Variants in WBP1L observed in about 807,000 individuals in gnomAD.
WBP1L encodes the protein WW domain binding protein 1 like, also known as WW domain binding protein 1-like.
Under a neutral mutation model 33.7 loss-of-function variants are expected in WBP1L, and 17 were observed. The observed-to-expected ratio is 0.50, with a 90% CI of 0.34 to 0.76. The LOEUF (loss-of-function observed/expected upper bound fraction) is 0.76, where lower values mean the gene tolerates loss of function less well. WBP1L is among the 30% of genes least tolerant of loss of function. The pLI is 0.01. For missense variants in WBP1L, 389 were observed against 469.4 expected (o/e 0.83, Z 1.58); for synonymous variants, 173 against 190.8 (o/e 0.91, Z 0.77).
intron 1 of WBP1L, among the ~76,000 whole-genome samples, chr10:102,754,660 T>C (rs893546648): frequency 5.9e-5 from 9 of 152,160 alleles, no homozygotes; most frequent in Non-Finnish European, 1.0e-4. Context: ...CCCAAAGTGC[T>C]GGGCTTACAG....
At chr10:102,752,966 T>A (rs528877633) in intron 1 of WBP1L, among the ~76,000 whole-genome samples, 2 of 152,282 alleles carry the variant, frequency 1.3e-5, no homozygotes, top group Admixed American at 6.5e-5. Flanking sequence ...ATTCAAAACT[T>A]CACCTGTCTT....
intron 1 of WBP1L, among the ~76,000 whole-genome samples, chr10:102,772,854 G>A (rs866969918): frequency 6.6e-6 from 1 of 151,352 alleles, no homozygotes; most frequent in South Asian, 2.1e-4. Context: ...ACAGGCGTGA[G>A]CCATGGTGCC....
rs1053548273 is a variant in WBP1L at position 102,805,928 on chromosome 10, C to T, written c.194-3965C>T. Among the ~76,000 whole-genome samples, 12 of 132,928 alleles carry T rather than the reference C, an allele frequency of 9.0e-5. 1 individual carries two copies. The highest frequency in any genetic ancestry group is 7.3e-4 in the South Asian group (3 of 4,128). The allele number at this position is 132,928 out of a possible 152,430, so 87.2% of individuals were successfully genotyped here. A position where few individuals can be genotyped will look rare whatever the true frequency, so the allele number is the denominator to read the frequency against. On this transcript the variant is annotated intron_variant, in intron 2 of 3. Coordinates refer to ENST00000448841, the MANE Select transcript of WBP1L (RefSeq NM_001083913.2). ...TAAGTTAAAAAAAATTGGCCTGGCA[C>T]GGTGGCTCACACCTGTAATCCCAGC...
At chr10:102,751,748 G>T (rs536972350) in intron 1 of WBP1L, among the ~76,000 whole-genome samples, 3 of 152,178 alleles carry the variant, frequency 2.0e-5, no homozygotes, top group African/African-American at 7.2e-5. Flanking sequence ...TGAGCTCTGG[G>T]GTCAGACCAC....
chr10:102,800,367 A>C (rs984561272), intron 2 of WBP1L, among the ~76,000 whole-genome samples: 4 of 150,098 alleles, frequency 2.7e-5, no homozygotes, highest in African/African-American at 4.9e-5. Context: ...CCGACTCAGG[A>C]GCCACCTGAA....
chr10:102,780,588 G>A (rs1035470115), intron 1 of WBP1L, among the ~76,000 whole-genome samples: 1 of 152,246 alleles, frequency 6.6e-6, no homozygotes, highest in Non-Finnish European at 1.5e-5. Context: ...AAAGCATGTT[G>A]TGGATACAAA....
chr10:102,750,309 C>T (rs960010538), intron 1 of WBP1L, among the ~76,000 whole-genome samples: 2 of 150,976 alleles, frequency 1.3e-5, no homozygotes, highest in East Asian at 2.0e-4. Flanking sequence ...GCAGGAGAAT[C>T]GCTTGAGCCC....
chr10:102,806,511 C>G lies in WBP1L; in HGVS notation c.194-3382C>G, dbSNP rs1328204213. On this transcript the variant is annotated intron_variant, in intron 2 of 3. Transcript: ENST00000448841. ...AAGGGTTCCTCTGCCAGTGTCTACT[C>G]TTAAGTCAGCCAGAATTCATAAAGA... Among the ~76,000 whole-genome samples the G allele has an allele frequency of 2.0e-5, 3 of 152,298 alleles. No homozygotes were observed. In the East Asian group the frequency reaches 5.8e-4, roughly 29 times the overall value.
At position 102,813,060 on chromosome 10, in the gene WBP1L, A is replaced by C; in HGVS notation, c.821A>C (p.Glu274Ala). 1 of 1,613,784 alleles carries C rather than the reference A, an allele frequency of 6.2e-7. No individual in the cohort carries two copies. Among genetic ancestry groups the C allele is most frequent in the East Asian group, 2.2e-5 (1 of 44,872 alleles). Residue 274 changes from glutamate to alanine, a missense_variant, in exon 4 of 4, where the codon GAA becomes GCA. Glu to Ala is a moderately radical substitution (Grantham distance 107, BLOSUM62 -1). Transcript: ENST00000448841. ...HRRFTGDSGIEVCVCNRGHHD... is the reference protein window; with the variant it reads ...HRRFTGDSGIAVCVCNRGHHD... ...CGCTTCACAGGTGACTCGGGCATTG[A>C]AGTGTGTGTGTGCAACCGGGGCCAC...
chr10:102,748,456 ATCATTCC>A (rs1842890805), intron 1 of WBP1L, among the ~76,000 whole-genome samples: 1 of 152,098 alleles, frequency 6.6e-6, no homozygotes, highest in Non-Finnish European at 1.5e-5. Flanking sequence ...TGCCATCACC[ATCATTCC>A]TCCTTATACA....
chr10:102,784,876 T>TC (rs1843392684), intron 1 of WBP1L, among the ~76,000 whole-genome samples: 1 of 36,580 alleles, frequency 2.7e-5, no homozygotes, highest in Admixed American at 2.7e-4. Context: ...TTTTTTCTTT[T>TC]TTTTTTTTTT....
intron 1 of WBP1L, among the ~76,000 whole-genome samples, chr10:102,765,669 T>C (rs913070533): frequency 8.5e-5 from 13 of 152,342 alleles, no homozygotes; most frequent in Middle Eastern, 3.4e-3. Flanking sequence ...TACCCCTAAG[T>C]TGCTTACTTT....
chr10:102,792,592 C>CTTTTTTTTTTTT (rs11368357), intron 1 of WBP1L, among the ~76,000 whole-genome samples: 1 of 103,586 alleles, frequency 9.7e-6, no homozygotes, highest in Non-Finnish European at 2.0e-5. Context: ...TTTTTCTTTT[C>CTTTTTTTTTTTT]TTTTTTTTTT....
At chr10:102,810,564 CTTTT>C (rs779749788) in intron 3 of WBP1L, among the ~76,000 whole-genome samples, 15 of 59,818 alleles carry the variant, frequency 2.5e-4, no homozygotes, top group South Asian at 1.7e-3. Context: ...CTCTCTATTT[CTTTT>C]TTTTTTTTTT....
Position 102,783,478 on chromosome 10 carries a change from C to T in WBP1L, c.91-14515C>T, listed in dbSNP as rs1187522953. 2.0e-5 allele frequency among the ~76,000 whole-genome samples: 3 copies of T among 152,308 alleles called. No individual in the cohort carries two copies. The East Asian group carries it at 5.8e-4, about 29-fold the overall frequency. ...AGGGTAGGTATGCTTGTGAGACTGA[C>T]ATCAGTCCTGCCCACGGGGAATTTA... On this transcript the variant is annotated intron_variant, in intron 1 of 3. Transcript: ENST00000448841.
chr10:102,744,670 C>T (rs1030945350), intron 1 of WBP1L, among the ~76,000 whole-genome samples: 3 of 152,104 alleles, frequency 2.0e-5, no homozygotes, highest in Non-Finnish European at 4.4e-5. Context: ...ATCTGTAAGC[C>T]ATGGCGCACT....
intron 1 of WBP1L, among the ~76,000 whole-genome samples, chr10:102,771,888 A>C (rs1300507253): frequency 6.6e-6 from 1 of 152,084 alleles, no homozygotes. Context: ...TCTGAATTGC[A>C]GAGGAGGAGA....
At chr10:102,788,311 A>G (rs1187136024) in intron 1 of WBP1L, among the ~76,000 whole-genome samples, 2 of 151,442 alleles carry the variant, frequency 1.3e-5, no homozygotes. Flanking sequence ...GGGGTTTCAC[A>G]GTGTTAGCCA....
At chr10:102,779,809 G>C (rs1378198090) in intron 1 of WBP1L, among the ~76,000 whole-genome samples, 1 of 152,244 alleles carries the variant, frequency 6.6e-6, no homozygotes, top group African/African-American at 2.4e-5. Flanking sequence ...GAGCGTGGGG[G>C]CAGGTATCTG....
Sources: gnomAD v4.1 joint callset for allele counts (sites outside exome capture counted in the v4.1 genomes callset) on GRCh38, gnomAD v4.1.1 for gene constraint, MANE v1.5 for transcripts, NCBI Gene and HGNC (gene_info 2026-07-23, HGNC 2026-07-21) for gene names.